Variants in SLFN5 observed in about 807,000 individuals in gnomAD.
SLFN5 encodes schlafen family member 5.
In SLFN5, 34 loss-of-function variants were observed where a neutral mutation model predicts 48.5. That is an observed-to-expected ratio of 0.70 (90% confidence interval 0.53 to 0.93). The LOEUF (loss-of-function observed/expected upper bound fraction) is 0.93, where lower values mean the gene tolerates loss of function less well. SLFN5 is among the 40% of genes least tolerant of loss of function. The pLI, the probability that SLFN5 is intolerant of heterozygous loss-of-function variation, is 0.00. For synonymous variants in SLFN5, 387 were observed against 396.2 expected, an observed-to-expected ratio of 0.98 and a Z score of 0.28; for missense variants, 1,006 against 1,071.3, an observed-to-expected ratio of 0.94 and a Z score of 0.85.
Position 35,266,061 on chromosome 17 carries a change from C to A in SLFN5, c.*173C>A. The A allele has an allele frequency of 1.5e-6, 1 of 661,392 alleles. No homozygotes were observed. The highest frequency in any genetic ancestry group is 2.5e-6 in the Non-Finnish European group (1 of 405,136). The allele number at this position is 661,392 out of a possible 1,614,324, so 41.0% of individuals were successfully genotyped here. ...TTCCTCCTTTAGGGCAGAGACAGAC[C>A]ACTGACAAATACACAGATAGACAAG... On this transcript the variant is annotated 3_prime_UTR_variant, in exon 5 of 5. Transcript: ENST00000299977.
Position 35,259,068 on chromosome 17 carries a change from T to C in SLFN5, c.378T>C (p.Asp126=), listed in dbSNP as rs781229613. 6.2e-7 allele frequency: 1 copy of C among 1,614,168 alleles called. No homozygotes were observed. The highest frequency in any genetic ancestry group is 8.5e-7 in the Non-Finnish European group (1 of 1,180,030). The change falls in exon 2 of 5, where the codon GAT becomes GAC. Residue 126 remains aspartate, a synonymous_variant. Coordinates refer to ENST00000299977, the MANE Select transcript of SLFN5 (RefSeq NM_144975.4). The part of the protein sequence containing the change: ...NLYHRERTST[D]VMDSQEALAF... ...ACCACAGAGAGAGAACATCCACCGA[T>C]GTCATGGATTCTCAGGAAGCTCTGG...
rs79196799 is a variant in SLFN5 at position 35,249,743 on chromosome 17, T to C, written c.-41+6600T>C. On this transcript the variant is annotated intron_variant, in intron 1 of 4. Transcript: ENST00000299977. ...CAAATGGAACTGTAATATGTATTGA[T>C]GTTCCAGAGACTTCTCTATTCATAA... Among the ~76,000 whole-genome samples, 232 of 152,352 alleles carry C rather than the reference T, an allele frequency of 1.5e-3. 7 individuals carry two copies. In the East Asian group the frequency reaches 0.039, roughly 26 times the overall value.
intron 1 of SLFN5, among the ~76,000 whole-genome samples, chr17:35,254,482 C>T (rs1316535974): frequency 6.6e-6 from 1 of 152,204 alleles, no homozygotes; most frequent in Non-Finnish European, 1.5e-5. Flanking sequence ...GGGGGCAGGG[C>T]AAAGACAGTG....
At chr17:35,254,639 G>A (rs2092450422) in intron 1 of SLFN5, among the ~76,000 whole-genome samples, 1 of 152,140 alleles carries the variant, frequency 6.6e-6, no homozygotes, top group South Asian at 2.1e-4. Context: ...ATTACTGCAG[G>A]CATTCTATTT....
rs111892782 is a variant in SLFN5 at position 35,260,684 on chromosome 17, G to A, written c.1013-287G>A. On this transcript the variant is annotated intron_variant, in intron 2 of 4. Coordinates refer to ENST00000299977, the MANE Select transcript of SLFN5 (RefSeq NM_144975.4). ...GGTGAGATCATGCCACTGCACTCCAGCCTGGGCAACAGAGTGAGACTGTTT... is the reference window on the plus strand; with the variant it reads ...GGTGAGATCATGCCACTGCACTCCAACCTGGGCAACAGAGTGAGACTGTTT... 7.3e-3 allele frequency among the ~76,000 whole-genome samples: 1,110 copies of A among 152,272 alleles called. 14 individuals carry two copies. Among genetic ancestry groups the A allele is most frequent in the African/African-American group, 0.025 (1,041 of 41,540 alleles).
Position 35,264,660 on chromosome 17 carries a change from G to A in SLFN5, c.1616G>A (p.Gly539Glu), listed in dbSNP as rs776814926. ...LLQSLVIVLL[G>E]FKSFLSEELG... ...CAGTCCCTCGTGATAGTCTTGCTTGGGTTCAAATCCTTCTTAAGTGAAGAG... is the reference window on the plus strand; with the variant it reads ...CAGTCCCTCGTGATAGTCTTGCTTGAGTTCAAATCCTTCTTAAGTGAAGAG... The change falls in exon 4 of 5, where the codon GGG becomes GAG. Residue 539 changes from glycine (G) to glutamate (E), a missense_variant. Physicochemically the swap from Gly to Glu is moderately conservative, Grantham distance 98 (BLOSUM62 -2). Transcript: ENST00000299977. 1 of 1,613,740 alleles carries A rather than the reference G, an allele frequency of 6.2e-7. No homozygotes were observed. Among genetic ancestry groups the A allele is most frequent in the Non-Finnish European group, 8.5e-7 (1 of 1,179,912 alleles).
At chr17:35,252,327 A>T (rs1378988164) in intron 1 of SLFN5, among the ~76,000 whole-genome samples, 1 of 152,100 alleles carries the variant, frequency 6.6e-6, no homozygotes, top group African/African-American at 2.4e-5. Flanking sequence ...GCTACTTGGG[A>T]GGCTAAGGCA....
chr17:35,259,105 T>C lies in SLFN5; in HGVS notation c.415T>C (p.Cys139Arg), dbSNP rs1567790686. 6.2e-7 allele frequency: 1 copy of C among 1,614,194 alleles called. No individual in the cohort carries two copies. The highest frequency in any genetic ancestry group is 8.5e-7 in the Non-Finnish European group (1 of 1,180,038). Residue 139 changes from cysteine (C) to arginine (R), a missense_variant, in exon 2 of 5, where the codon TGC (cysteine) becomes CGC (arginine). Transcript: ENST00000299977. ...DSQEALAFLKCRTQTPTNINV... is the reference protein window; with the variant it reads ...DSQEALAFLKRRTQTPTNINV... Reference sequence around the variant, plus strand: ...TCAGGAAGCTCTGGCATTCCTCAAATGCAGGACTCAGACTCCAACGAATAT... The same window carrying C: ...TCAGGAAGCTCTGGCATTCCTCAAACGCAGGACTCAGACTCCAACGAATAT...
In SLFN5 at chr17:35,259,537, G is replaced by A. The variant is rs1904455967; in HGVS notation, c.847G>A (p.Val283Met). 1 of 1,614,170 alleles carries A rather than the reference G, an allele frequency of 6.2e-7. No individual in the cohort carries two copies. The highest frequency in any genetic ancestry group is 8.5e-7 in the Non-Finnish European group (1 of 1,180,036). The change falls in exon 2 of 5, where the codon GTG becomes ATG. Residue 283 changes from valine (V) to methionine (M), a missense_variant. By Grantham distance (21) the Val-to-Met change is conservative. Transcript: ENST00000299977. ...AAAATATGTCCTTAACTTCCTTGAA[G>A]TGCATGATAAGGGGGCCCTCCGTGG... ...EIKYVLNFLE[V>M]HDKGALRGYV...
intron 1 of SLFN5, among the ~76,000 whole-genome samples, chr17:35,251,832 A>G (rs1242126937): frequency 1.4e-5 from 2 of 147,186 alleles, no homozygotes; most frequent in Non-Finnish European, 3.0e-5. Flanking sequence ...TCCTGCCTCA[A>G]CCTCCCGAGT....
chr17:35,265,450 T>A lies in SLFN5; in HGVS notation c.2238T>A (p.Tyr746Ter), dbSNP rs1904652284. 6.2e-7 allele frequency: 1 copy of A among 1,613,500 alleles called. No homozygotes were observed. The highest frequency in any genetic ancestry group is 8.5e-7 in the Non-Finnish European group (1 of 1,180,018). Residue 746 changes from tyrosine (Y) to a stop codon, truncating the protein, a stop_gained, in exon 5 of 5, where the codon TAT (tyrosine) becomes TAA (stop). Coordinates refer to ENST00000299977, the MANE Select transcript of SLFN5 (RefSeq NM_144975.4). LOFTEE classifies it low-confidence loss of function (END_TRUNC). ...NLPPGSLVMLYEPKWAQGVPG... is the reference protein window; with the variant it reads ...NLPPGSLVML Reference sequence around the variant, plus strand: ...CCCCTGGGTCCCTGGTGATGCTCTATGAACCTAAATGGGCTCAAGGTGTCC... The same window carrying A: ...CCCCTGGGTCCCTGGTGATGCTCTAAGAACCTAAATGGGCTCAAGGTGTCC...
Position 35,264,712 on chromosome 17 carries a change from G to A in SLFN5, c.1668G>A (p.Leu556=). 1 of 1,608,028 alleles carries A rather than the reference G, an allele frequency of 6.2e-7. No homozygotes were observed. The highest frequency in any genetic ancestry group is 1.3e-5 in the African/African-American group (1 of 74,528). ...EELGSEVLNL[L]TNKQYELLSK... ...TGGGCTCTGAGGTTTTGAACCTACT[G>A]ACAAATAAACAGTATGAGTTGCTTT... Residue 556 remains leucine, a synonymous_variant, in exon 4 of 5, where the codon CTG becomes CTA. Transcript: ENST00000299977.
Position 35,256,351 on chromosome 17 carries a change from C to A in SLFN5, c.-40-2300C>A, listed in dbSNP as rs988823221. On this transcript the variant is annotated intron_variant, in intron 1 of 4. Coordinates refer to ENST00000299977, the MANE Select transcript of SLFN5 (RefSeq NM_144975.4). ...TCCAGCCTGGGCAACAAGAAGTAGA[C>A]TCCATCTCAAAAAACAAAACAAAAT... is the stretch of plus-strand genomic sequence containing the variant. Among the ~76,000 whole-genome samples the A allele has an allele frequency of 4.6e-5, 7 of 152,104 alleles. No homozygotes were observed. In the East Asian group the frequency reaches 1.3e-3, roughly 29 times the overall value.
In SLFN5 at chr17:35,264,507, T is replaced by C. The variant is rs1904616032; in HGVS notation, c.1463T>C (p.Leu488Ser). Residue 488 changes from leucine to serine, a missense_variant, in exon 4 of 5, where the codon TTA becomes TCA. Coordinates refer to ENST00000299977, the MANE Select transcript of SLFN5 (RefSeq NM_144975.4). ...AACAAAGGCGGCTACACTGGGAGGT[T>C]ATGCATCACCCCCTTGGTCTGTGTG... The part of the protein sequence containing the change: ...LVNKGGYTGR[L>S]CITPLVCVLN... 2.5e-6 allele frequency: 4 copies of C among 1,614,018 alleles called. No homozygotes were observed. The highest frequency in any genetic ancestry group is 3.4e-6 in the Non-Finnish European group (4 of 1,179,986).
chr17:35,253,931 C>T (rs1294183000), intron 1 of SLFN5, among the ~76,000 whole-genome samples: 1 of 152,058 alleles, frequency 6.6e-6, no homozygotes, highest in Non-Finnish European at 1.5e-5. Flanking sequence ...CTCCTAACCT[C>T]AGGTGATCCG....
rs921817230 is a variant in SLFN5, at chr17:35,271,464, G to A, written c.*5576G>A. 7 of 152,060 alleles carry A rather than the reference G, an allele frequency of 4.6e-5. No homozygotes were observed. Among genetic ancestry groups the A allele is most frequent in the South Asian group, 2.1e-4 (1 of 4,824 alleles). 9.4% of individuals were successfully genotyped at this position (152,060 alleles called of 1,614,324 possible). On this transcript the variant is annotated 3_prime_UTR_variant, in exon 5 of 5. Transcript: ENST00000299977. ...CAGACTACATGTAGTTAGAAAATAC[G>A]ATGAAAGAAAAAGCCATATTATAAT...
intron 1 of SLFN5, among the ~76,000 whole-genome samples, chr17:35,243,789 C>A (rs2092424554): frequency 6.6e-6 from 1 of 152,174 alleles, no homozygotes; most frequent in Non-Finnish European, 1.5e-5. Context: ...GTTGTCGAAG[C>A]CCAAATTCAG....
chr17:35,261,028 G>C lies in SLFN5; in HGVS notation c.1070G>C (p.Arg357Pro). Residue 357 changes from arginine (R) to proline (P), a missense_variant, in exon 3 of 5, where the codon CGC becomes CCC. Arg to Pro is a moderately radical substitution (Grantham distance 103). Transcript: ENST00000299977. ...TTGAGTTTGTCATCTGCCACGCCCC[G>C]CAGCAAGCCTGTGTGCATTCATAAG... The part of the protein sequence containing the change: ...LQLSLSSATP[R>P]SKPVCIHKNS... 6.2e-7 allele frequency: 1 copy of C among 1,613,888 alleles called. No individual in the cohort carries two copies. The highest frequency in any genetic ancestry group is 8.5e-7 in the Non-Finnish European group (1 of 1,179,874).
At chr17:35,258,047 A>G (rs754507493) in intron 1 of SLFN5, among the ~76,000 whole-genome samples, 1 of 152,226 alleles carries the variant, frequency 6.6e-6, no homozygotes, top group Non-Finnish European at 1.5e-5. Context: ...AACTTGGCAG[A>G]TAGTTACTAA....
Sources: allele counts gnomAD v4.1 joint callset (sites outside exome capture counted in the v4.1 genomes callset), GRCh38; gene constraint gnomAD v4.1.1; transcripts MANE v1.5; gene names NCBI Gene and HGNC (gene_info 2026-07-23, HGNC 2026-07-21).